The following CALN1 variants were observed in gnomAD, a reference collection of about 807,000 sequenced individuals.
The protein encoded by CALN1 is calcium-binding protein 8.
A neutral mutation model predicts 30.6 loss-of-function variants in CALN1; 17 were observed. The ratio of observed to expected loss-of-function variants is 0.56; its 90% CI spans 0.38 to 0.83. The LOEUF (loss-of-function observed/expected upper bound fraction) is 0.83. Among genes scored for constraint, CALN1 ranks in the 40% least tolerant of loss-of-function variants. CALN1 has a pLI of 0.00. For synonymous variants in CALN1, 156 were observed against 131.4 expected, an observed-to-expected ratio of 1.19 and a Z score of -1.28; for missense variants, 291 against 354.9, an observed-to-expected ratio of 0.82 and a Z score of 1.45.
chr7:72,388,235 G>A (rs116086783), intron 2 of CALN1, among the ~76,000 whole-genome samples: 2,440 of 152,172 alleles, frequency 0.016, 74 homozygotes, highest in African/African-American at 0.056. Context: ...ATAAATATGA[G>A]TTATTGTATC....
At chr7:72,182,327 T>C (rs546348114) in intron 3 of CALN1, among the ~76,000 whole-genome samples, 1 of 151,932 alleles carries the variant, frequency 6.6e-6, no homozygotes, top group East Asian at 1.9e-4. Flanking sequence ...TATAACACAG[T>C]GGGATGTGTT....
intron 2 of CALN1, among the ~76,000 whole-genome samples, chr7:72,402,238 T>C (rs1806391583): frequency 6.6e-6 from 1 of 152,248 alleles, no homozygotes. Context: ...TGTCAAGTTG[T>C]GTTGGAGAAG....
intron 3 of CALN1, among the ~76,000 whole-genome samples, chr7:72,139,869 A>G (rs968846911): frequency 6.6e-6 from 1 of 151,994 alleles, no homozygotes; most frequent in East Asian, 1.9e-4. Flanking sequence ...ACAAACACCT[A>G]TTTATTCTTT....
At chr7:72,460,471 A>C in the CALN1 span, among the ~76,000 whole-genome samples, 1 of 151,954 alleles carries the variant, frequency 6.6e-6, no homozygotes, top group East Asian at 1.9e-4. Context: ...GTCTCTACTG[A>C]AAATACAAAA....
upstream of CALN1, among the ~76,000 whole-genome samples, chr7:72,415,460 C>T (rs2129563438): frequency 6.6e-6 from 1 of 152,324 alleles, no homozygotes; most frequent in African/African-American, 2.4e-5. Flanking sequence ...TGAGTATGGC[C>T]CGGCATTGCC....
chr7:72,129,438 G>A (rs530327643), intron 3 of CALN1, among the ~76,000 whole-genome samples: 38 of 152,080 alleles, frequency 2.5e-4, no homozygotes, highest in East Asian at 1.9e-3. Flanking sequence ...AATATTGTGC[G>A]GTGTGTGTGT....
At position 72,278,733 on chromosome 7, in the gene CALN1, C is replaced by A; in HGVS notation, c.197G>T (p.Gly66Val). The A allele has an allele frequency of 6.2e-7, 1 of 1,614,080 alleles. No homozygotes were observed. The highest frequency in any genetic ancestry group is 1.1e-5 in the South Asian group (1 of 91,076). ...GNYLNRSLSA[G>V]SDSEQLANIS... The stretch of plus-strand genomic sequence containing the variant: ...ATTAGCCAGCTGTTCGCTGTCACTG[C>A]CAGCAGAGAGCGATCGGTTGAGGTA... The change falls in exon 3 of 7, where the codon GGC becomes GTC. Residue 66 changes from glycine to valine, a missense_variant. Physicochemically the swap from Gly to Val is moderately radical, Grantham distance 109 (BLOSUM62 -3). This residue lies in a region of CALN1 where 122 missense variants were observed against 103.2 expected (regional missense o/e 1.18). Transcript: ENST00000395275.
intron 5 of CALN1, among the ~76,000 whole-genome samples, chr7:71,904,664 T>C (rs1283364262): frequency 1.3e-5 from 2 of 152,198 alleles, no homozygotes; most frequent in Non-Finnish European, 2.9e-5. Context: ...GTGACGATAG[T>C]ATTCTAAAAA....
chr7:72,246,870 T>A (rs1795201611), intron 3 of CALN1, among the ~76,000 whole-genome samples: 2 of 150,880 alleles, frequency 1.3e-5, no homozygotes. Context: ...TTCTCATGCC[T>A]CAGCCTCCCA....
At chr7:71,852,539 G>A (rs1290391019) in intron 5 of CALN1, among the ~76,000 whole-genome samples, 1 of 150,950 alleles carries the variant, frequency 6.6e-6, no homozygotes, top group Non-Finnish European at 1.5e-5. Context: ...GTTTGAGGCT[G>A]CAGTGAACCA....
intron 5 of CALN1, among the ~76,000 whole-genome samples, chr7:71,873,277 G>T (rs6948935): frequency 6.6e-6 from 1 of 151,710 alleles, no homozygotes; most frequent in African/African-American, 2.4e-5. Context: ...CAAAGTGCTG[G>T]GATTACAGGT....
At chr7:72,248,200 C>T (rs1039391582) in intron 3 of CALN1, among the ~76,000 whole-genome samples, 4 of 152,096 alleles carry the variant, frequency 2.6e-5, no homozygotes, top group Non-Finnish European at 5.9e-5. Flanking sequence ...CTGCAACTTC[C>T]ACCTCACAGG....
intron 5 of CALN1, among the ~76,000 whole-genome samples, chr7:71,897,787 C>T (rs1793605471): frequency 6.6e-6 from 1 of 150,912 alleles, no homozygotes; most frequent in African/African-American, 2.4e-5. Flanking sequence ...GAAGAGACAA[C>T]ACATTATGAA....
At chr7:72,351,439 G>A (rs576727633) in intron 2 of CALN1, among the ~76,000 whole-genome samples, 17 of 152,246 alleles carry the variant, frequency 1.1e-4, no homozygotes, top group Non-Finnish European at 1.9e-4. Context: ...TAAAAAGTTT[G>A]TCATTATTTT....
intron 1 of CALN1, among the ~76,000 whole-genome samples, chr7:72,411,229 C>T (rs1394367544): frequency 1.3e-5 from 2 of 152,050 alleles, no homozygotes; most frequent in African/African-American, 2.4e-5. Context: ...GCAAACACAA[C>T]TGTATTTCAA....
At chr7:71,879,427 G>A (rs1248452672) in intron 5 of CALN1, among the ~76,000 whole-genome samples, 1 of 152,154 alleles carries the variant, frequency 6.6e-6, no homozygotes, top group African/African-American at 2.4e-5. Flanking sequence ...TAAAGGAGGG[G>A]AGATAAACTC....
rs556822353 is a variant in CALN1 at position 72,349,223 on chromosome 7, T to A, written c.119+54028A>T. Among the ~76,000 whole-genome samples the A allele has an allele frequency of 9.4e-4, 143 of 151,954 alleles. 1 individual carries two copies. Among genetic ancestry groups the A allele is most frequent in the African/African-American group, 3.4e-3 (139 of 41,436 alleles). ...TGGGACAATATCAAGCTACCTAACA[T>A]ATGTTCGATTTTAATACCTAAAGCG... is the stretch of plus-strand genomic sequence containing the variant. On this transcript the variant is annotated intron_variant, in intron 2 of 6. Coordinates refer to ENST00000395275, the MANE Select transcript of CALN1 (RefSeq NM_031468.4).
intron 3 of CALN1, among the ~76,000 whole-genome samples, chr7:72,140,671 C>T (rs988135218): frequency 5.9e-5 from 9 of 152,310 alleles, no homozygotes; most frequent in Admixed American, 2.6e-4. Context: ...CAGAGGCAAC[C>T]CTGGTTGGCT....
intron 4 of CALN1, among the ~76,000 whole-genome samples, chr7:72,080,869 G>A (rs533069771): frequency 3.9e-5 from 6 of 152,216 alleles, no homozygotes; most frequent in African/African-American, 9.6e-5. Context: ...GTTAGTGTGC[G>A]TATTACAGAG....
Sources: allele counts gnomAD v4.1 joint callset (sites outside exome capture counted in the v4.1 genomes callset), GRCh38; gene constraint gnomAD v4.1.1; regional missense constraint gnomAD v4.1.1; transcripts MANE v1.5; gene names NCBI Gene and HGNC (gene_info 2026-07-23, HGNC 2026-07-21).